HECW1: variants seen among roughly 807,000 people sequenced by gnomAD.
HECW1 encodes the protein E3 ubiquitin-protein ligase HECW1.
In HECW1, 61 loss-of-function variants were observed where a neutral mutation model predicts 182.3. That is an observed-to-expected ratio of 0.33 (90% CI 0.27 to 0.41). The LOEUF (loss-of-function observed/expected upper bound fraction) is 0.41. Among genes scored for constraint, HECW1 ranks in the 10% least tolerant of loss-of-function variants. HECW1 has a pLI of 1.00. For missense variants in HECW1, 1,739 were observed against 2,108.9 expected, an observed-to-expected ratio of 0.82 and a Z score of 3.44; for synonymous variants, 859 against 832.6, an observed-to-expected ratio of 1.03 and a Z score of -0.55.
At chr7:43,546,041 C>G (rs1279568228) in intron 26 of HECW1, among the ~76,000 whole-genome samples, 1 of 151,810 alleles carries the variant, frequency 6.6e-6, no homozygotes, top group African/African-American at 2.4e-5. Flanking sequence ...GCCAGATTGT[C>G]TAACATCGAT....
At chr7:43,305,791 G>A (rs1158734841) in intron 3 of HECW1, among the ~76,000 whole-genome samples, 2 of 150,892 alleles carry the variant, frequency 1.3e-5, no homozygotes, top group Non-Finnish European at 2.9e-5. Flanking sequence ...ACGGAGTTTC[G>A]CTCTTGTTGC....
rs1222061032 is a variant in HECW1 at position 43,407,574 on chromosome 7, T to C, written c.644T>C (p.Met215Thr). The change falls in exon 8 of 30, where the codon ATG becomes ACG. Residue 215 changes from methionine (M) to threonine (T), a missense_variant. Transcript: ENST00000395891. ...ISFSLSDFQA[M>T]GLKKGMFFNP... ...CTTTATTTTATAGATTTCCAAGCCATGGGGTTGAAGAAAGGGATGTTTTTC... is the reference window on the plus strand; with the variant it reads ...CTTTATTTTATAGATTTCCAAGCCACGGGGTTGAAGAAAGGGATGTTTTTC... 3.1e-6 allele frequency: 5 copies of C among 1,611,870 alleles called. No individual in the cohort carries two copies. The highest frequency in any genetic ancestry group is 1.7e-6 in the Non-Finnish European group (2 of 1,178,512).
chr7:43,313,475 T>A (rs1361889334), intron 4 of HECW1, among the ~76,000 whole-genome samples: 1 of 151,994 alleles, frequency 6.6e-6, no homozygotes, highest in Non-Finnish European at 1.5e-5. Flanking sequence ...GTAGCTGGGA[T>A]TACAGGCATG....
chr7:43,318,850 C>T (rs148907932), intron 4 of HECW1, among the ~76,000 whole-genome samples: 73 of 152,332 alleles, frequency 4.8e-4, no homozygotes, highest in African/African-American at 1.5e-3. Flanking sequence ...CCCTCCAGCC[C>T]CTACGGTGGA....
chr7:43,160,593 C>T (rs1050489952), intron 2 of HECW1, among the ~76,000 whole-genome samples: 1 of 152,160 alleles, frequency 6.6e-6, no homozygotes, highest in East Asian at 1.9e-4. Flanking sequence ...AAGTCTTCAA[C>T]GTATCAGTGT....
intron 8 of HECW1, among the ~76,000 whole-genome samples, chr7:43,421,005 GA>G (rs1049298856): frequency 1.3e-5 from 2 of 150,112 alleles, no homozygotes; most frequent in African/African-American, 2.4e-5. Context: ...AAAAAGAAAA[GA>G]AAAAAAAAGC....
intron 4 of HECW1, among the ~76,000 whole-genome samples, chr7:43,318,650 A>C (rs1809647913): frequency 6.6e-6 from 1 of 152,262 alleles, no homozygotes; most frequent in Non-Finnish European, 1.5e-5. Context: ...AATGGCACAA[A>C]AGGCAAGAGC....
At chr7:43,131,957 A>G (rs1039100479) in intron 2 of HECW1, among the ~76,000 whole-genome samples, 1 of 152,238 alleles carries the variant, frequency 6.6e-6, no homozygotes, top group Non-Finnish European at 1.5e-5. Context: ...ATGGAGGGAA[A>G]GGTGGCCTGG....
chr7:43,319,395 A>G (rs1330677225), intron 4 of HECW1, among the ~76,000 whole-genome samples: 2 of 109,630 alleles, frequency 1.8e-5, no homozygotes, highest in Non-Finnish European at 3.1e-5. Context: ...CTCCGTCTCA[A>G]AAAAAAAAAA....
chr7:43,543,671 C>G (rs2081443891), intron 26 of HECW1, among the ~76,000 whole-genome samples: 1 of 150,708 alleles, frequency 6.6e-6, no homozygotes, highest in Admixed American at 6.7e-5. Flanking sequence ...CCCAGCTACT[C>G]AGGAGGCTGA....
At chr7:43,308,028 T>A (rs1307543530) in intron 3 of HECW1, among the ~76,000 whole-genome samples, 23 of 117,226 alleles carry the variant, frequency 2.0e-4, no homozygotes, top group East Asian at 1.7e-3. Context: ...TATAATATAT[T>A]ATATATTATA....
intron 7 of HECW1, among the ~76,000 whole-genome samples, chr7:43,402,074 T>G (rs867979012): frequency 3.9e-5 from 6 of 152,188 alleles, no homozygotes; most frequent in African/African-American, 1.2e-4. Context: ...CCATCCTCTT[T>G]CCAGCTCACC....
At chr7:43,125,441 A>C (rs909362938) in intron 2 of HECW1, among the ~76,000 whole-genome samples, 1 of 152,056 alleles carries the variant, frequency 6.6e-6, no homozygotes, top group African/African-American at 2.4e-5. Flanking sequence ...TATATTTTCT[A>C]TTACTCAGAC....
chr7:43,332,568 T>G (rs998069385), intron 5 of HECW1, among the ~76,000 whole-genome samples: 1 of 152,182 alleles, frequency 6.6e-6, no homozygotes, highest in African/African-American at 2.4e-5. Context: ...TGAGGCAGTG[T>G]CTGAAGGGCA....
At chr7:43,548,525 C>G (rs527426553) in intron 26 of HECW1, among the ~76,000 whole-genome samples, 39 of 152,224 alleles carry the variant, frequency 2.6e-4, no homozygotes, top group African/African-American at 9.4e-4. Context: ...AGTTGTTAGA[C>G]AGTGGAGAGC....
intron 2 of HECW1, among the ~76,000 whole-genome samples, chr7:43,232,277 A>G (rs149154335): frequency 6.6e-6 from 1 of 152,208 alleles, no homozygotes; most frequent in Non-Finnish European, 1.5e-5. Flanking sequence ...CTGGTGAACT[A>G]TAAGAACCCT....
chr7:43,164,052 C>T (rs532541865), intron 2 of HECW1, among the ~76,000 whole-genome samples: 4 of 152,146 alleles, frequency 2.6e-5, no homozygotes, highest in African/African-American at 4.8e-5. Flanking sequence ...GGGCAGGCAG[C>T]GAAGAGAGCG....
intron 2 of HECW1, among the ~76,000 whole-genome samples, chr7:43,241,672 G>A (rs1433992161): frequency 1.4e-5 from 2 of 143,020 alleles, no homozygotes; most frequent in Admixed American, 1.4e-4. Context: ...TTAATTAATT[G>A]GATCAATATT....
intron 9 of HECW1, 48 bp downstream of exon 9, chr7:43,438,193 G>T (rs762016122): frequency 6.3e-7 from 1 of 1,578,948 alleles, no homozygotes; most frequent in Non-Finnish European, 8.7e-7. Context: ...CCACCAACAG[G>T]TCGTGCCCAA....
Sources: allele counts gnomAD v4.1 joint callset (sites outside exome capture counted in the v4.1 genomes callset), GRCh38; gene constraint gnomAD v4.1.1; transcripts MANE v1.5; gene names NCBI Gene and HGNC (gene_info 2026-07-23, HGNC 2026-07-21).